Variants in ARHGAP8 observed in about 807,000 individuals in gnomAD.
ARHGAP8 encodes Rho GTPase activating protein 8, also known as rho GTPase-activating protein 8.
Under a neutral mutation model 46.1 loss-of-function variants are expected in ARHGAP8, and 62 were observed. That is an observed-to-expected ratio of 1.34 (90% CI 1.10 to 1.66). The LOEUF is 1.66. Among genes scored for constraint, ARHGAP8 ranks in the 40% most tolerant of loss-of-function variants. ARHGAP8 has a pLI of 0.00. For synonymous variants in ARHGAP8, 375 were observed against 243.1 expected (o/e 1.54, Z -5.05); for missense variants, 923 against 568.4 (o/e 1.62, Z -6.34).
intron 1 of ARHGAP8, among the ~76,000 whole-genome samples, chr22:44,763,967 C>G (rs147770333): frequency 3.9e-5 from 6 of 152,060 alleles, no homozygotes; most frequent in African/African-American, 1.2e-4. Context: ...CCCGCCACCA[C>G]GCCTGGCTAA....
intron 1 of ARHGAP8, among the ~76,000 whole-genome samples, chr22:44,754,139 A>G (rs1414003656): frequency 1.3e-5 from 2 of 152,044 alleles, no homozygotes; most frequent in Admixed American, 6.5e-5. Context: ...GAGAGAATCC[A>G]AGGGTTTGTG....
At chr22:44,851,397 T>A (rs905626570) in intron 10 of ARHGAP8, among the ~76,000 whole-genome samples, 98 of 69,252 alleles carry the variant, frequency 1.4e-3, no homozygotes, top group African/African-American at 9.4e-3. Context: ...TTTTAAATAT[T>A]TATTTATTTA....
At chr22:44,782,181 A>G (rs1397665524) in intron 1 of ARHGAP8, among the ~76,000 whole-genome samples, 3 of 151,916 alleles carry the variant, frequency 2.0e-5, no homozygotes, top group Non-Finnish European at 4.4e-5. Context: ...CTAAAAATAC[A>G]AAAAAATTAG....
intron 1 of ARHGAP8, among the ~76,000 whole-genome samples, chr22:44,768,388 C>A (rs909965400): frequency 2.0e-5 from 3 of 152,094 alleles, no homozygotes; most frequent in Admixed American, 6.6e-5. Context: ...CAGCCTCAAC[C>A]TCCTGGGCTC....
At chr22:44,759,910 C>G (rs1385994264) in intron 1 of ARHGAP8, among the ~76,000 whole-genome samples, 1 of 152,236 alleles carries the variant, frequency 6.6e-6, no homozygotes, top group East Asian at 1.9e-4. Flanking sequence ...CCTGGGTGCC[C>G]TTGCGCAGGG....
At chr22:44,822,541 A>G (rs1569163225) in intron 6 of ARHGAP8, 72 bp downstream of exon 6, 2 of 1,337,652 alleles carry the variant, frequency 1.5e-6, no homozygotes, top group East Asian at 5.5e-5. Flanking sequence ...GTTCAGTCCC[A>G]TGAATGTTTA....
At chr22:44,779,214 C>T (rs9614924) in intron 1 of ARHGAP8, among the ~76,000 whole-genome samples, 34,970 of 151,096 alleles carry the variant, frequency 0.23, 6,839 homozygotes, top group African/African-American at 0.54. Context: ...ATTCTCCTGC[C>T]TCAGCCTCCC....
chr22:44,801,990 C>A, intron 2 of ARHGAP8, 87 bp from the exon 3 acceptor site: 1 of 1,537,018 alleles, frequency 6.5e-7, no homozygotes, highest in South Asian at 1.2e-5. Flanking sequence ...TCGGGCTGGA[C>A]TGGCCAAGGA....
At chr22:44,856,011 A>AGATGGGGT (rs2070211915) in intron 10 of ARHGAP8, among the ~76,000 whole-genome samples, 1 of 152,094 alleles carries the variant, frequency 6.6e-6, no homozygotes, top group South Asian at 2.1e-4. Flanking sequence ...AGTGGGAGCA[A>AGATGGGGT]GATGGGGTGA....
chr22:44,785,747 G>A lies in ARHGAP8; in HGVS notation c.-71-710G>A, dbSNP rs531106392. 3.2e-4 allele frequency among the ~76,000 whole-genome samples: 49 copies of A among 152,236 alleles called. No homozygotes were observed. In the South Asian group the frequency reaches 9.3e-3, roughly 29 times the overall value. ...AACATTTCTCTAAGAACCCTGATTG[G>A]TTTTGCATGAGAACCTCCCCTGCTA... On this transcript the variant is annotated intron_variant, in intron 1 of 11. Coordinates refer to ENST00000356099, the MANE Select transcript of ARHGAP8 (RefSeq NM_181335.3).
chr22:44,806,538 T>A (rs1928932697), intron 3 of ARHGAP8, among the ~76,000 whole-genome samples: 1 of 152,280 alleles, frequency 6.6e-6, no homozygotes, highest in African/African-American at 2.4e-5. Flanking sequence ...TCAGTTGACT[T>A]GTCTATAAAA....
intron 4 of ARHGAP8, among the ~76,000 whole-genome samples, chr22:44,814,253 T>C (rs1427071073): frequency 6.6e-6 from 1 of 152,234 alleles, no homozygotes; most frequent in Non-Finnish European, 1.5e-5. Flanking sequence ...GCCGGGTTTA[T>C]CTGCCATCAT....
intron 8 of ARHGAP8, among the ~76,000 whole-genome samples, chr22:44,847,629 G>T (rs1045610605): frequency 6.6e-6 from 1 of 152,186 alleles, no homozygotes; most frequent in South Asian, 2.1e-4. Flanking sequence ...AGTCCTCTCT[G>T]CAGCCCTTGG....
chr22:44,810,236 CTTT>C (rs58029838), intron 4 of ARHGAP8, among the ~76,000 whole-genome samples: 5 of 98,862 alleles, frequency 5.1e-5, no homozygotes, highest in Non-Finnish European at 5.8e-5. Context: ...ATATGGCAGC[CTTT>C]TTTTTTTTTT....
At chr22:44,855,219 AAG>A (rs552674369) in intron 10 of ARHGAP8, among the ~76,000 whole-genome samples, 70 of 152,200 alleles carry the variant, frequency 4.6e-4, no homozygotes, top group African/African-American at 1.5e-3. Context: ...CAAAGAAAAA[AAG>A]AATTTTTTTT....
In ARHGAP8 at chr22:44,858,817, G is replaced by T. The variant is rs1034013265; in HGVS notation, c.878-914G>T. The stretch of plus-strand genomic sequence containing the variant: ...TTTCCAAGAGCAACAAAGTGTGGGC[G>T]ATTTGTGGTGCTGAGAATCCTGAGC... On this transcript the variant is annotated intron_variant, in intron 10 of 11. Coordinates refer to ENST00000356099, the MANE Select transcript of ARHGAP8 (RefSeq NM_181335.3). Among the ~76,000 whole-genome samples, 4 of 151,200 alleles carry T rather than the reference G, an allele frequency of 2.6e-5. No individual in the cohort carries two copies. In the East Asian group the frequency reaches 7.7e-4, roughly 29 times the overall value.
At position 44,845,446 on chromosome 22, in the gene ARHGAP8, C is replaced by T. The variant is rs2069930794; in HGVS notation, c.670+104C>T. ...AGCACCCACAAGCCAGGGGGTGTGA[C>T]CAGGAAGGGAGGGGCTCAAGCACAG... On this transcript the variant is annotated intron_variant, in intron 8 of 11. Coordinates refer to ENST00000356099, the MANE Select transcript of ARHGAP8 (RefSeq NM_181335.3). 4.7e-6 allele frequency: 7 copies of T among 1,503,126 alleles called. No homozygotes were observed. The East Asian group carries it at 1.6e-4, about 34-fold the overall frequency. The allele number at this position is 1,503,126 out of a possible 1,614,324, so 93.1% of individuals were successfully genotyped here.
In ARHGAP8 at chr22:44,848,068, T is replaced by C; in HGVS notation, c.748+18T>C. 2 of 1,603,792 alleles carry C rather than the reference T, an allele frequency of 1.2e-6. No individual in the cohort carries two copies. Reference sequence around the variant, plus strand: ...CAACCAAGGTGAGGGTGTCCCGCAGTCCTGAGCCCCGAGCTGCCTGGTCAG... The same window carrying C: ...CAACCAAGGTGAGGGTGTCCCGCAGCCCTGAGCCCCGAGCTGCCTGGTCAG... On this transcript the variant is annotated intron_variant, in intron 9 of 11. Coordinates refer to ENST00000356099, the MANE Select transcript of ARHGAP8 (RefSeq NM_181335.3).
In ARHGAP8 at chr22:44,862,312, C is replaced by G. The variant is rs143652701; in HGVS notation, c.1019C>G (p.Ser340Cys). The change falls in exon 12 of 12, where the codon TCT becomes TGT. Residue 340 changes from serine (S) to cysteine (C), a missense_variant. Physicochemically the swap from Ser to Cys is moderately radical, Grantham distance 112 (BLOSUM62 -1). Transcript: ENST00000356099. The stretch of plus-strand genomic sequence containing the variant: ...AGCATCTTCAACAAAATGAACAGCT[C>G]TAACCTGGCCTGTGTCTTCGGGCTG... ...RESIFNKMNS[S>C]NLACVFGLNL... is the part of the protein sequence containing the mutation. The G allele has an allele frequency of 5.5e-5, 89 of 1,612,654 alleles. No individual in the cohort carries two copies. The highest frequency in any genetic ancestry group is 6.9e-5 in the Non-Finnish European group (81 of 1,179,190).
Sources: gnomAD v4.1 joint callset for allele counts (sites outside exome capture counted in the v4.1 genomes callset) on GRCh38, gnomAD v4.1.1 for gene constraint, MANE v1.5 for transcripts, NCBI Gene and HGNC (gene_info 2026-07-23, HGNC 2026-07-21) for gene names.